ADA2: variants seen among roughly 807,000 people sequenced by gnomAD.
The protein encoded by ADA2 is adenosine deaminase CECR1.
ADA2 carries 29 observed loss-of-function variants against 44.2 expected under a neutral mutation model. The observed-to-expected ratio is 0.66, with a 90% confidence interval of 0.49 to 0.89. ADA2 has a LOEUF of 0.89. Ranked by LOEUF, ADA2 falls within the 40% of genes least tolerant of loss-of-function variation. The probability of loss-of-function intolerance (pLI) is 0.00; values close to 1 mark genes in which losing one functional copy is unlikely to be tolerated. For synonymous variants in ADA2, 215 were observed against 234.9 expected, an observed-to-expected ratio of 0.92 and a Z score of 0.77; for missense variants, 637 against 644.8, an observed-to-expected ratio of 0.99 and a Z score of 0.13.
At chr22:17,186,107 G>A (rs925099817) in intron 7 of ADA2, among the ~76,000 whole-genome samples, 2 of 152,160 alleles carry the variant, frequency 1.3e-5, no homozygotes, top group African/African-American at 4.8e-5. Context: ...CATGGGGCAG[G>A]GCAGGGTTTC....
intron 8 of ADA2, 49 bp from the exon 9 acceptor site, chr22:17,182,071 G>C (rs768936654): frequency 6.7e-7 from 1 of 1,483,530 alleles, no homozygotes; most frequent in Non-Finnish European, 9.3e-7. Context: ...TCCCTAAAAA[G>C]AGTAGTCACA....
chr22:17,195,544 A>G (rs76837825), intron 4 of ADA2, among the ~76,000 whole-genome samples: 6,637 of 151,328 alleles, frequency 0.044, 191 homozygotes, highest in Non-Finnish European at 0.062. Context: ...AAAACAAAAC[A>G]AAACAAAAAA....
chr22:17,214,332 A>C (rs1011497320), intron 1 of ADA2, among the ~76,000 whole-genome samples: 5 of 152,226 alleles, frequency 3.3e-5, no homozygotes, highest in African/African-American at 9.7e-5. Flanking sequence ...ATTAAAGTAA[A>C]ATTGTCCTTG....
intron 3 of ADA2, among the ~76,000 whole-genome samples, chr22:17,206,680 C>T (rs2062356853): frequency 6.6e-6 from 1 of 151,976 alleles, no homozygotes; most frequent in African/African-American, 2.4e-5. Context: ...TATTTTGTCA[C>T]TCAGGCTGGA....
chr22:17,179,928 G>C lies in ADA2; in HGVS notation c.*1555C>G, dbSNP rs1226877207. Reference sequence around the variant, plus strand: ...GGGTGGACCACGAGGTCAGGTGTTCGAGACCAGCCTGGCCAACATAGTGAA... The same window carrying C: ...GGGTGGACCACGAGGTCAGGTGTTCCAGACCAGCCTGGCCAACATAGTGAA... On this transcript the variant is annotated 3_prime_UTR_variant, in exon 10 of 10. Transcript: ENST00000399837. 1 of 152,234 alleles carries C rather than the reference G, an allele frequency of 6.6e-6. No homozygotes were observed. Among genetic ancestry groups the C allele is most frequent in the Non-Finnish European group, 1.5e-5 (1 of 68,080 alleles). 9.4% of individuals were successfully genotyped at this position (152,234 alleles called of 1,614,324 possible).
intron 1 of ADA2, among the ~76,000 whole-genome samples, chr22:17,212,279 G>C (rs1028418733): frequency 2.0e-5 from 3 of 151,902 alleles, no homozygotes; most frequent in Admixed American, 1.3e-4. Flanking sequence ...CACCAGACTC[G>C]GACTCCTAAA....
At chr22:17,216,734 C>T (rs541983540) in intron 1 of ADA2, among the ~76,000 whole-genome samples, 2 of 148,628 alleles carry the variant, frequency 1.3e-5, no homozygotes, top group Admixed American at 1.3e-4. Flanking sequence ...CACTCCAGCC[C>T]GGCAACAGAG....
chr22:17,188,868 A>AAAAAAAAATAT, intron 6 of ADA2: 1 of 81,128 alleles, frequency 1.2e-5, no homozygotes. Flanking sequence ...AAGAGCAAAA[A>AAAAAAAAATAT]ATATATATAT....
At chr22:17,186,338 T>C (rs2062035017) in intron 7 of ADA2, among the ~76,000 whole-genome samples, 1 of 152,192 alleles carries the variant, frequency 6.6e-6, no homozygotes, top group Non-Finnish European at 1.5e-5. Flanking sequence ...CCCAGCACTT[T>C]GGGAGGCCAA....
At chr22:17,206,920 C>T in intron 3 of ADA2, 151 bp downstream of exon 3, 2 of 609,466 alleles carry the variant, frequency 3.3e-6, no homozygotes, top group Non-Finnish European at 5.8e-6. Flanking sequence ...TCCCAAAGTG[C>T]TGGGATTATA....
chr22:17,182,114 C>G (rs1321946154), intron 8 of ADA2, 92 bp from the exon 9 acceptor site: 2 of 956,306 alleles, frequency 2.1e-6, no homozygotes, highest in African/African-American at 1.6e-5. Context: ...CATCAGCTCC[C>G]TTCATCTTCC....
At chr22:17,200,849 T>A (rs1390282059) in intron 4 of ADA2, among the ~76,000 whole-genome samples, 3 of 146,790 alleles carry the variant, frequency 2.0e-5, no homozygotes, top group Admixed American at 6.9e-5. Context: ...GCCATTGCAC[T>A]CCAGCCTGGG....
chr22:17,204,174 G>T (rs1351568360), intron 3 of ADA2, among the ~76,000 whole-genome samples: 1 of 152,124 alleles, frequency 6.6e-6, no homozygotes, highest in African/African-American at 2.4e-5. Flanking sequence ...TCTTTTTGGG[G>T]AATGTTATGG....
At chr22:17,218,260 T>C (rs565150488) in intron 1 of ADA2, among the ~76,000 whole-genome samples, 1 of 152,328 alleles carries the variant, frequency 6.6e-6, no homozygotes, top group East Asian at 1.9e-4. Flanking sequence ...GAAAGTTTGC[T>C]ACTCATTAAA....
At chr22:17,201,896 CT>C (rs2062291502) in intron 4 of ADA2, among the ~76,000 whole-genome samples, 1 of 151,568 alleles carries the variant, frequency 6.6e-6, no homozygotes, top group Admixed American at 6.6e-5. Flanking sequence ...TTCTTTTGGA[CT>C]CTTTCTACTC....
Position 17,181,433 on chromosome 22 carries a change from G to T in ADA2, c.*50C>A. 2 of 1,181,128 alleles carry T rather than the reference G, an allele frequency of 1.7e-6. No homozygotes were observed. The highest frequency in any genetic ancestry group is 1.5e-5 in the African/African-American group (1 of 66,722). 73.2% of individuals were successfully genotyped at this position (1,181,128 alleles called of 1,614,324 possible). On this transcript the variant is annotated 3_prime_UTR_variant, in exon 10 of 10. Coordinates refer to ENST00000399837, the MANE Select transcript of ADA2 (RefSeq NM_001282225.2). ...CTGATTCAAGAACGAGTGAGAGGAA[G>T]TGACAGCGTGTGCAAGAAGACAGCT...
intron 7 of ADA2, among the ~76,000 whole-genome samples, 178 bp downstream of exon 7, chr22:17,188,161 T>C (rs1309215722): frequency 3.3e-5 from 5 of 152,202 alleles, no homozygotes; most frequent in Non-Finnish European, 7.3e-5. Flanking sequence ...GTAAAGTGGC[T>C]GATTCTATTA....
rs149101258 is a variant in ADA2 at position 17,181,324 on chromosome 22, C to CT, written c.*158_*159insA. The CT allele has an allele frequency of 0.038, 24,494 of 651,816 alleles. 883 individuals are homozygous for CT. The highest frequency in any genetic ancestry group is 0.12 in the East Asian group (4,601 of 38,272). 40.4% of individuals were successfully genotyped at this position (651,816 alleles called of 1,614,324 possible). A position where few individuals can be genotyped will look rare whatever the true frequency, so the allele number is the denominator to read the frequency against. ...CACTGTGGCTGAGAGAGAATATTTC[C>CT]AGAGGATGAATTTGCTCAGCCAGCC... On this transcript the variant is annotated 3_prime_UTR_variant, in exon 10 of 10. Coordinates refer to ENST00000399837, the MANE Select transcript of ADA2 (RefSeq NM_001282225.2).
intron 4 of ADA2, chr22:17,199,416 T>TCCTCCCTCCCCTCCTCTATCTTCTTCC: frequency 4.7e-6 from 2 of 429,652 alleles, no homozygotes; most frequent in Admixed American, 2.9e-5. Context: ...TCTCAGCGTC[T>TCCTCCCTCCCCTCCTCTATCTTCTTCC]CCTCCCTCCC....
Sources: allele counts gnomAD v4.1 joint callset (sites outside exome capture counted in the v4.1 genomes callset), GRCh38; gene constraint gnomAD v4.1.1; transcripts MANE v1.5; gene names NCBI Gene and HGNC (gene_info 2026-07-23, HGNC 2026-07-21).